Variants in TMEM63A observed in about 807,000 individuals in gnomAD.
The protein encoded by TMEM63A is mechanosensitive cation channel TMEM63A.
In TMEM63A, 76 loss-of-function variants were observed where a neutral mutation model predicts 100.6. That is an observed-to-expected ratio of 0.76 (90% CI 0.63 to 0.91). TMEM63A has a LOEUF of 0.91. Ranked by LOEUF, TMEM63A falls within the 40% of genes least tolerant of loss-of-function variation. TMEM63A has a pLI of 0.00. For missense variants in TMEM63A, 876 were observed against 1,008.8 expected, an observed-to-expected ratio of 0.87 and a Z score of 1.78; for synonymous variants, 401 against 401.1, an observed-to-expected ratio of 1.00 and a Z score of 0.00.
chr1:225,868,872 C>G (rs1024760835), intron 6 of TMEM63A, among the ~76,000 whole-genome samples: 10 of 152,020 alleles, frequency 6.6e-5, no homozygotes, highest in African/African-American at 2.2e-4. Flanking sequence ...CCTTTCCCAC[C>G]CTTGGAGTGC....
In TMEM63A at chr1:225,852,772, GGGA is replaced by G; in HGVS notation, c.1798-6_1798-4del. 2 of 1,613,710 alleles carry G rather than the reference GGGA, an allele frequency of 1.2e-6. No homozygotes were observed. Among genetic ancestry groups the G allele is most frequent in the South Asian group, 1.1e-5 (1 of 91,076 alleles). On this transcript the variant is annotated splice_polypyrimidine_tract_variant and splice_region_variant and intron_variant, in intron 19 of 24. Coordinates refer to ENST00000366835, the MANE Select transcript of TMEM63A (RefSeq NM_014698.3). The stretch of plus-strand genomic sequence containing the variant: ...AACTCGTACTGGAAGGCCTGGTTCT[GGGA>G]GGAGGAGGTGGTGAGGAGCTCATGG...
At chr1:225,873,144 G>A (rs1226008044) in intron 4 of TMEM63A, among the ~76,000 whole-genome samples, 1 of 152,142 alleles carries the variant, frequency 6.6e-6, no homozygotes, top group African/African-American at 2.4e-5. Flanking sequence ...AGGACAGAAG[G>A]AGACCGACCC....
downstream of TMEM63A, among the ~76,000 whole-genome samples, chr1:225,843,977 G>A (rs1253377613): frequency 6.6e-6 from 1 of 152,190 alleles, no homozygotes; most frequent in Non-Finnish European, 1.5e-5. Flanking sequence ...GGCGTGCTCT[G>A]GGGAAAGTGG....
rs1346111350 is a variant in TMEM63A at position 225,862,890 on chromosome 1, G to GA, written c.747-40dup. The GA allele has an allele frequency of 3.1e-6, 5 of 1,599,754 alleles. No homozygotes were observed. The Admixed American group carries it at 8.5e-5, about 27-fold the overall frequency. On this transcript the variant is annotated intron_variant, in intron 10 of 24. Coordinates refer to ENST00000366835, the MANE Select transcript of TMEM63A (RefSeq NM_014698.3). The surrounding 1 kb of genome is among the most constrained non-coding windows in gnomAD (Gnocchi z 5.1). ...GAGAAGGAGGCAAAAGACACCGTTG[G>GA]AAAAGAAAACACCCCAAGCAGGAGA... is the stretch of plus-strand genomic sequence containing the variant.
In TMEM63A at chr1:225,847,104, A is replaced by G. The variant is rs1277354293; in HGVS notation, c.2360T>C (p.Ile787Thr). Residue 787 changes from isoleucine to threonine, a missense_variant, in exon 24 of 25, where the codon ATC (isoleucine) becomes ACC (threonine). Ile to Thr is a moderately conservative substitution (Grantham distance 89). Coordinates refer to ENST00000366835, the MANE Select transcript of TMEM63A (RefSeq NM_014698.3). ...YGAIHNISGTIPGQCLAQSAT... is the reference protein window; with the variant it reads ...YGAIHNISGTTPGQCLAQSAT... The stretch of plus-strand genomic sequence containing the variant: ...GCTCTGCGCCAAGCACTGTCCAGGG[A>G]TAGTCCCGCTGATGTTGTGGATGGC... The G allele has an allele frequency of 1.2e-6, 2 of 1,613,784 alleles. No individual in the cohort carries two copies. The highest frequency in any genetic ancestry group is 2.7e-5 in the African/African-American group (2 of 74,952).
At chr1:225,842,258 C>T (rs1576039813), downstream of TMEM63A, 1 of 850,208 alleles carries the variant, frequency 1.2e-6, no homozygotes, top group Non-Finnish European at 2.0e-6. Flanking sequence ...AACGTGGCTT[C>T]CTGCACACAG....
chr1:225,841,837 C>T (rs1034513952), downstream of TMEM63A, among the ~76,000 whole-genome samples: 23 of 152,122 alleles, frequency 1.5e-4, no homozygotes, highest in Non-Finnish European at 5.9e-5. Context: ...CTCCTTACCG[C>T]AGGTGATCCA....
At chr1:225,856,237 T>A (rs188227058) in intron 17 of TMEM63A, among the ~76,000 whole-genome samples, 1 of 151,618 alleles carries the variant, frequency 6.6e-6, no homozygotes, top group South Asian at 2.1e-4. Context: ...CTGGAACTCC[T>A]GGGCTCAAGC....
intron 6 of TMEM63A, among the ~76,000 whole-genome samples, chr1:225,870,826 C>T (rs913167499): frequency 2.6e-5 from 4 of 152,204 alleles, no homozygotes; most frequent in African/African-American, 9.7e-5. Context: ...GCCCCAGGCT[C>T]CAGCAGGCAC....
chr1:225,875,938 T>C (rs1305945425), intron 3 of TMEM63A, among the ~76,000 whole-genome samples: 1 of 151,496 alleles, frequency 6.6e-6, no homozygotes, highest in African/African-American at 2.4e-5. Context: ...CGGTGGCATG[T>C]GCTTGTAGTC....
downstream of TMEM63A, chr1:225,844,686 T>C (rs1668778935): frequency 3.1e-6 from 5 of 1,604,432 alleles, no homozygotes; most frequent in South Asian, 5.5e-5. Context: ...CGGCCAGTCT[T>C]GGGCTCCACG....
At chr1:225,872,670 A>G in intron 4 of TMEM63A, among the ~76,000 whole-genome samples, 1 of 147,562 alleles carries the variant, frequency 6.8e-6, no homozygotes, top group South Asian at 2.1e-4. Context: ...TGCAATACGT[A>G]TATGTGACTG....
At chr1:225,878,635 C>T (rs1281307333) in intron 2 of TMEM63A, among the ~76,000 whole-genome samples, 1 of 152,166 alleles carries the variant, frequency 6.6e-6, no homozygotes, top group East Asian at 1.9e-4. Flanking sequence ...CATATTCAGC[C>T]TGGACTTGCT....
rs74990802 is a variant in TMEM63A at position 225,872,156 on chromosome 1, C to T, written c.267-103G>A. On this transcript the variant is annotated intron_variant, in intron 4 of 24. Coordinates refer to ENST00000366835, the MANE Select transcript of TMEM63A (RefSeq NM_014698.3). ...TCCAGTATTTTGCTGCCTCTTGGAGCTCAGAACCAAAGCTACCAGCCCTCG... is the reference window on the plus strand; with the variant it reads ...TCCAGTATTTTGCTGCCTCTTGGAGTTCAGAACCAAAGCTACCAGCCCTCG... The T allele has an allele frequency of 5.3e-3, 4,237 of 804,934 alleles. 199 individuals carry two copies. In the East Asian group the frequency reaches 0.092, roughly 17 times the overall value. 49.9% of individuals were successfully genotyped at this position (804,934 alleles called of 1,614,324 possible).
At chr1:225,844,571 C>T (rs764223111), downstream of TMEM63A, 19 of 1,614,028 alleles carry the variant, frequency 1.2e-5, no homozygotes, top group East Asian at 6.7e-5. Context: ...CTCCTCCCAG[C>T]GCTTCTACAA....
downstream of TMEM63A, among the ~76,000 whole-genome samples, chr1:225,843,316 CAA>C (rs200608096): frequency 7.4e-3 from 1,128 of 152,126 alleles, 7 homozygotes; most frequent in South Asian, 0.011. Context: ...GAAACTTAGG[CAA>C]AGAGAAAAGC....
At chr1:225,844,797 A>T (rs1668792554), downstream of TMEM63A, among the ~76,000 whole-genome samples, 1 of 152,154 alleles carries the variant, frequency 6.6e-6, no homozygotes, top group South Asian at 2.1e-4. Context: ...GAAAGCCCTC[A>T]TGGAGGGACC....
chr1:225,879,978 G>A lies in TMEM63A; in HGVS notation c.-205-568C>T, dbSNP rs1576123595. 3.8e-5 allele frequency among the ~76,000 whole-genome samples: 4 copies of A among 104,576 alleles called. 1 individual carries two copies. The highest frequency in any genetic ancestry group is 2.1e-4 in the Admixed American group (2 of 9,608). The allele number at this position is 104,576 out of a possible 152,430, so 68.6% of individuals were successfully genotyped here. A position where few individuals can be genotyped will look rare whatever the true frequency, so the allele number is the denominator to read the frequency against. The stretch of plus-strand genomic sequence containing the variant: ...GTGGTGCTGGGAGTGGCATACCCTC[G>A]CCAGTGCTGCAGAGGAGAGAGGCCT... On this transcript the variant is annotated intron_variant, in intron 1 of 24. Transcript: ENST00000366835.
intron 20 of TMEM63A, among the ~76,000 whole-genome samples, chr1:225,852,131 A>C (rs1669373392): frequency 6.6e-6 from 1 of 152,274 alleles, no homozygotes; most frequent in South Asian, 2.1e-4. Context: ...TGGGCAGAGA[A>C]CCTCAGACCA....
Sources: allele counts gnomAD v4.1 joint callset (sites outside exome capture counted in the v4.1 genomes callset), GRCh38; gene constraint gnomAD v4.1.1; non-coding constraint Gnocchi (gnomAD v3.1); transcripts MANE v1.5; gene names NCBI Gene and HGNC (gene_info 2026-07-23, HGNC 2026-07-21).